Variants in ARHGEF28 observed in about 807,000 individuals in gnomAD.
ARHGEF28 encodes the protein 190 kDa guanine nucleotide exchange factor.
In ARHGEF28, 152 loss-of-function variants were observed where a neutral mutation model predicts 206.6. The observed-to-expected ratio is 0.74, with a 90% CI of 0.64 to 0.84. The LOEUF is 0.84. Ranked by LOEUF, ARHGEF28 falls within the 40% of genes least tolerant of loss-of-function variation. The pLI is 0.00. For synonymous variants in ARHGEF28, 763 were observed against 776.4 expected, an observed-to-expected ratio of 0.98 and a Z score of 0.29; for missense variants, 2,028 against 2,073.2, an observed-to-expected ratio of 0.98 and a Z score of 0.42.
At chr5:73,827,769 A>G (rs1319817290) in intron 9 of ARHGEF28, among the ~76,000 whole-genome samples, 1 of 152,228 alleles carries the variant, frequency 6.6e-6, no homozygotes, top group Non-Finnish European at 1.5e-5. Context: ...ATTAAAAATT[A>G]TCAACAAAAC....
rs1762889925 is a variant in ARHGEF28, at chr5:73,911,327, T to C, written c.4700T>C (p.Ile1567Thr). ...TTATGTCATGAAAACTCATTCTTCA[T>C]CAATGAAGCTTTAGTACAAATGTCA... ...ESLCHENSFFINEALVQMSFN... is the reference protein window; with the variant it reads ...ESLCHENSFFTNEALVQMSFN... Residue 1567 changes from isoleucine (I) to threonine (T), a missense_variant, in exon 35 of 36, where the codon ATC (isoleucine) becomes ACC (threonine). Physicochemically the swap from Ile to Thr is moderately conservative, Grantham distance 89. This residue lies in a region of ARHGEF28 where 803 missense variants were observed against 768.0 expected (regional missense o/e 1.05). Transcript: ENST00000513042. The C allele has an allele frequency of 6.2e-7, 1 of 1,610,510 alleles. No individual in the cohort carries two copies. The highest frequency in any genetic ancestry group is 8.5e-7 in the Non-Finnish European group (1 of 1,178,152).
chr5:73,873,352 A>C, intron 22 of ARHGEF28, 106 bp downstream of exon 22: 1 of 1,355,368 alleles, frequency 7.4e-7, no homozygotes, highest in Non-Finnish European at 9.9e-7. Context: ...TGAAACATTC[A>C]TAGTGACATT....
intron 2 of ARHGEF28, among the ~76,000 whole-genome samples, chr5:73,725,326 C>T (rs1750205645): frequency 6.6e-6 from 1 of 152,150 alleles, no homozygotes; most frequent in East Asian, 1.9e-4. Flanking sequence ...TTTGCGTAGT[C>T]CTCTATTATA....
intron 2 of ARHGEF28, among the ~76,000 whole-genome samples, chr5:73,690,506 T>C (rs55756346): frequency 0.17 from 24,917 of 142,744 alleles, 2,621 homozygotes; most frequent in Non-Finnish European, 0.24. Context: ...CTGGTCAACA[T>C]TGTAAGACTC....
At chr5:73,832,509 TG>T in intron 10 of ARHGEF28, 50 bp downstream of exon 10, 1 of 1,588,076 alleles carries the variant, frequency 6.3e-7, no homozygotes. Flanking sequence ...CTCCAAAACC[TG>T]GGTTTGTAAG....
intron 11 of ARHGEF28, 100 bp from the exon 12 acceptor site, chr5:73,846,168 C>G: frequency 5.5e-6 from 6 of 1,094,316 alleles, no homozygotes; most frequent in Non-Finnish European, 8.1e-6. Flanking sequence ...ATTGCACCCC[C>G]CCCGCCCCAG....
In ARHGEF28 at chr5:73,911,508, G is replaced by T. The variant is rs1443591161; in HGVS notation, c.4881G>T (p.Trp1627Cys). 16 of 1,613,584 alleles carry T rather than the reference G, an allele frequency of 9.9e-6. No homozygotes were observed. Among genetic ancestry groups the T allele is most frequent in the Middle Eastern group, 1.6e-4 (1 of 6,084 alleles). The change falls in exon 35 of 36, where the codon TGG (tryptophan) becomes TGT (cysteine). Residue 1627 changes from tryptophan (W) to cysteine (C), a missense_variant. Physicochemically the swap from Trp to Cys is radical, Grantham distance 215 (BLOSUM62 -2). Coordinates refer to ENST00000513042, the MANE Select transcript of ARHGEF28 (RefSeq NM_001177693.2). ...CTTCGAATGTCAGTCACAAACTGTG[G>T]ACAGCCGCTGGTTCCGGCCATCAGA... ...SQPSNVSHKL[W>C]TAAGSGHQIL...
chr5:73,644,874 A>G (rs889590104), intron 1 of ARHGEF28, among the ~76,000 whole-genome samples: 6 of 152,078 alleles, frequency 3.9e-5, no homozygotes, highest in Admixed American at 1.3e-4. Context: ...GCTTAGGAAG[A>G]TTTTCTATGG....
intron 11 of ARHGEF28, among the ~76,000 whole-genome samples, chr5:73,843,361 C>A (rs879504455): frequency 6.6e-6 from 1 of 152,132 alleles, no homozygotes; most frequent in Non-Finnish European, 1.5e-5. Context: ...GCTGGTTCCA[C>A]GAGCTGACTT....
At chr5:73,861,522 T>C (rs1307611491) in intron 16 of ARHGEF28, among the ~76,000 whole-genome samples, 1 of 152,144 alleles carries the variant, frequency 6.6e-6, no homozygotes, top group East Asian at 1.9e-4. Flanking sequence ...AACCACCGCC[T>C]CCCAGGCTCA....
At chr5:73,706,619 G>A (rs907190911) in intron 2 of ARHGEF28, among the ~76,000 whole-genome samples, 2 of 152,174 alleles carry the variant, frequency 1.3e-5, no homozygotes, top group Non-Finnish European at 2.9e-5. Flanking sequence ...CTGAATGAAT[G>A]AATGAAGCTT....
At chr5:73,807,897 G>C (rs1755606949) in intron 9 of ARHGEF28, among the ~76,000 whole-genome samples, 2 of 151,774 alleles carry the variant, frequency 1.3e-5, no homozygotes, top group South Asian at 4.2e-4. Context: ...TTCCTGCCCT[G>C]AGGTGTTTTG....
intron 9 of ARHGEF28, among the ~76,000 whole-genome samples, chr5:73,808,256 T>G (rs2931408): frequency 0.61 from 93,175 of 151,696 alleles, 29,045 homozygotes; most frequent in African/African-American, 0.71. Flanking sequence ...TGCTGGGGGT[T>G]GGGGGAGGTA....
chr5:73,697,559 C>T (rs557751809), intron 2 of ARHGEF28, among the ~76,000 whole-genome samples: 7 of 152,248 alleles, frequency 4.6e-5, no homozygotes, highest in African/African-American at 7.2e-5. Flanking sequence ...TGTGCTCACA[C>T]GATAGCTCAG....
At chr5:73,725,226 G>C (rs999839989) in intron 2 of ARHGEF28, among the ~76,000 whole-genome samples, 1 of 152,152 alleles carries the variant, frequency 6.6e-6, no homozygotes, top group Non-Finnish European at 1.5e-5. Context: ...AATGATAGGA[G>C]TATCATAAAC....
chr5:73,937,684 G>T (rs1046215854), intron 35 of ARHGEF28, among the ~76,000 whole-genome samples: 2 of 152,076 alleles, frequency 1.3e-5, no homozygotes, highest in African/African-American at 4.8e-5. Flanking sequence ...CAGGCAATTC[G>T]ATCACAAATG....
intron 2 of ARHGEF28, among the ~76,000 whole-genome samples, chr5:73,700,401 G>A (rs1462576495): frequency 1.3e-5 from 2 of 152,104 alleles, no homozygotes; most frequent in African/African-American, 2.4e-5. Flanking sequence ...TGTATAATCT[G>A]TTTTTAAATA....
chr5:73,870,784 CT>C (rs1355290932), intron 21 of ARHGEF28, among the ~76,000 whole-genome samples: 2 of 152,134 alleles, frequency 1.3e-5, no homozygotes, highest in African/African-American at 4.8e-5. Flanking sequence ...TGAAGGCATT[CT>C]GGATTGGAGA....
chr5:73,787,301 T>C (rs1168333182), intron 7 of ARHGEF28, among the ~76,000 whole-genome samples: 2 of 152,192 alleles, frequency 1.3e-5, no homozygotes, highest in African/African-American at 4.8e-5. Flanking sequence ...CTTGAAAATA[T>C]TGTTTTCCTA....
Sources: allele counts gnomAD v4.1 joint callset (sites outside exome capture counted in the v4.1 genomes callset), GRCh38; gene constraint gnomAD v4.1.1; regional missense constraint gnomAD v4.1.1; transcripts MANE v1.5; gene names NCBI Gene and HGNC (gene_info 2026-07-23, HGNC 2026-07-21).